Variants in TNIP3 observed in about 807,000 individuals in gnomAD.
The protein encoded by TNIP3 is TNFAIP3 interacting protein 3, also known as TNFAIP3-interacting protein 3.
A neutral mutation model predicts 54.1 loss-of-function variants in TNIP3; 34 were observed. The observed-to-expected ratio is 0.63, with a 90% CI of 0.48 to 0.84. The LOEUF (loss-of-function observed/expected upper bound fraction) is 0.84. Ranked by LOEUF, TNIP3 falls within the 40% of genes least tolerant of loss-of-function variation. TNIP3 has a pLI of 0.00. For synonymous variants in TNIP3, 134 were observed against 136.8 expected, an observed-to-expected ratio of 0.98 and a Z score of 0.14; for missense variants, 366 against 387.6, an observed-to-expected ratio of 0.94 and a Z score of 0.47.
chr4:121,215,044 AATTG>A (rs1726707907), intron 2 of TNIP3, among the ~76,000 whole-genome samples: 1 of 152,358 alleles, frequency 6.6e-6, no homozygotes, highest in African/African-American at 2.4e-5. Context: ...TACTGAATGT[AATTG>A]ATTGAGGTGA....
intron 3 of TNIP3, among the ~76,000 whole-genome samples, chr4:121,177,404 T>C (rs1026220580): frequency 6.6e-6 from 1 of 152,240 alleles, no homozygotes; most frequent in African/African-American, 2.4e-5. Context: ...TGTTCATCAA[T>C]AGTGGTTTTC....
chr4:121,142,418 T>A (rs1729173364), intron 8 of TNIP3, among the ~76,000 whole-genome samples: 1 of 152,234 alleles, frequency 6.6e-6, no homozygotes, highest in Non-Finnish European at 1.5e-5. Flanking sequence ...AGTTTTCTAC[T>A]GTTAATTGTG....
intron 3 of TNIP3, among the ~76,000 whole-genome samples, chr4:121,178,744 G>A (rs551088275): frequency 1.3e-5 from 2 of 152,132 alleles, no homozygotes; most frequent in African/African-American, 2.4e-5. Context: ...GGGATAAATC[G>A]ATGTATATTC....
At chr4:121,210,163 T>C (rs62321504) in intron 2 of TNIP3, among the ~76,000 whole-genome samples, 3,132 of 152,268 alleles carry the variant, frequency 0.021, 46 homozygotes, top group Non-Finnish European at 0.033. Context: ...CTCAAAAGGG[T>C]AGGTATGAGG....
At chr4:121,225,244 A>G (rs987232307) in intron 1 of TNIP3, among the ~76,000 whole-genome samples, 2 of 152,170 alleles carry the variant, frequency 1.3e-5, no homozygotes, top group Non-Finnish European at 1.5e-5. Flanking sequence ...AAGGTTTTTT[A>G]CATACTTAGA....
chr4:121,203,214 G>GATAT (rs1553936815), intron 2 of TNIP3, among the ~76,000 whole-genome samples: 1 of 111,926 alleles, frequency 8.9e-6, no homozygotes, highest in Non-Finnish European at 1.9e-5. Flanking sequence ...AAGAAAATGT[G>GATAT]ATATAGATAG....
Position 121,182,199 on chromosome 4 carries a change from T to C in TNIP3, c.189+477A>G, listed in dbSNP as rs76151677. 1.3e-3 allele frequency among the ~76,000 whole-genome samples: 200 copies of C among 152,326 alleles called. 2 individuals are homozygous for C. Among genetic ancestry groups the C allele is most frequent in the East Asian group, 6.6e-3 (34 of 5,188 alleles). ...TTTTATTTGCTTATATAAAGCACCA[T>C]AGACAAATACCCTGAAACGAGTGGA... On this transcript the variant is annotated intron_variant, in intron 3 of 12. Coordinates refer to the TNIP3 transcript ENST00000507879.
chr4:121,165,825 A>G (rs1030317423), upstream of TNIP3, among the ~76,000 whole-genome samples: 5 of 152,228 alleles, frequency 3.3e-5, no homozygotes, highest in African/African-American at 1.2e-4. Flanking sequence ...GTAAAAAGTT[A>G]TAACTCACAT....
At chr4:121,222,120 T>C (rs918039875) in intron 1 of TNIP3, among the ~76,000 whole-genome samples, 2 of 152,120 alleles carry the variant, frequency 1.3e-5, no homozygotes, top group Non-Finnish European at 2.9e-5. Flanking sequence ...AAACTGGTCA[T>C]CCTAGGATTT....
intron 1 of TNIP3, among the ~76,000 whole-genome samples, chr4:121,226,415 C>T (rs1037059947): frequency 3.9e-5 from 6 of 152,324 alleles, no homozygotes; most frequent in Admixed American, 1.3e-4. Flanking sequence ...AGTTTGTTAA[C>T]GTTGATCCAT....
Position 121,164,104 on chromosome 4 carries a change from T to C in TNIP3, c.22A>G (p.Thr8Ala). The C allele has an allele frequency of 6.2e-7, 1 of 1,613,834 alleles. No homozygotes were observed. Among genetic ancestry groups the C allele is most frequent in the Non-Finnish European group, 8.5e-7 (1 of 1,179,804 alleles). The stretch of plus-strand genomic sequence containing the variant: ...CTTTCTGCGGCAATCATTCTAGATG[T>C]GCCCTGTACAAAATGTGCCATGGAA... Reference protein sequence around the residue: MAHFVQGTSRMIAAESST... With the variant: MAHFVQGASRMIAAESST... Residue 8 changes from threonine (T) to alanine (A), a missense_variant, in exon 1 of 11, where the codon ACA (threonine) becomes GCA (alanine). Transcript: ENST00000057513.
chr4:121,182,542 A>T (rs967702426), intron 3 of TNIP3: 1 of 1,039,028 alleles, frequency 9.6e-7, no homozygotes, highest in African/African-American at 1.6e-5. Context: ...ATACTGCTTC[A>T]GTTTATCCTC....
At chr4:121,148,000 A>G (rs1729529721) in intron 6 of TNIP3, among the ~76,000 whole-genome samples, 1 of 152,246 alleles carries the variant, frequency 6.6e-6, no homozygotes, top group Non-Finnish European at 1.5e-5. Context: ...ATTCACCAGA[A>G]GCACTGAAGG....
intron 1 of TNIP3, among the ~76,000 whole-genome samples, chr4:121,223,853 G>A (rs1461734234): frequency 1.3e-5 from 2 of 152,102 alleles, no homozygotes; most frequent in Non-Finnish European, 2.9e-5. Context: ...AGCAATAGAA[G>A]CAATATCAGA....
chr4:121,180,132 G>T (rs2148825979), intron 3 of TNIP3, among the ~76,000 whole-genome samples: 1 of 152,264 alleles, frequency 6.6e-6, no homozygotes, highest in Non-Finnish European at 1.5e-5. Flanking sequence ...TGGGCGCGGT[G>T]GCTCACGCCT....
At chr4:121,163,995 T>C in intron 1 of TNIP3, 65 bp downstream of exon 1, 1 of 1,579,258 alleles carries the variant, frequency 6.3e-7, no homozygotes, top group Non-Finnish European at 8.7e-7. Flanking sequence ...AAGTGCACAA[T>C]TAACCACTAG....
intron 2 of TNIP3, among the ~76,000 whole-genome samples, chr4:121,160,705 A>G (rs1730397905): frequency 6.6e-6 from 1 of 152,198 alleles, no homozygotes; most frequent in African/African-American, 2.4e-5. Flanking sequence ...CAGTTCATGA[A>G]GTCATAGCAC....
intron 5 of TNIP3, among the ~76,000 whole-genome samples, chr4:121,151,446 A>T (rs1357079867): frequency 6.6e-6 from 1 of 152,230 alleles, no homozygotes; most frequent in Admixed American, 6.5e-5. Flanking sequence ...GCCTGATATG[A>T]ATATCATTTT....
chr4:121,227,261 TGATCAG>T, intron 1 of TNIP3: 1 of 756,088 alleles, frequency 1.3e-6, no homozygotes, highest in Admixed American at 2.7e-5. Context: ...ACTGAGTTCC[TGATCAG>T]TTATATATGT....
Sources: allele counts gnomAD v4.1 joint callset (sites outside exome capture counted in the v4.1 genomes callset), GRCh38; gene constraint gnomAD v4.1.1; transcripts MANE v1.5; gene names NCBI Gene and HGNC (gene_info 2026-07-23, HGNC 2026-07-21).